The following COG6 variants were observed in gnomAD, a reference collection of about 807,000 sequenced individuals.
COG6 encodes the protein conserved oligomeric Golgi complex subunit 6.
Under a neutral mutation model 88.8 loss-of-function variants are expected in COG6, and 74 were observed. The ratio of observed to expected loss-of-function variants is 0.83; its 90% CI spans 0.69 to 1.01. The LOEUF is 1.01. Ranked by LOEUF, COG6 falls within the 50% of genes least tolerant of loss-of-function variation. The probability of loss-of-function intolerance (pLI) is 0.00; values close to 1 mark genes in which losing one functional copy is unlikely to be tolerated. For synonymous variants in COG6, 286 were observed against 278.7 expected, an observed-to-expected ratio of 1.03 and a Z score of -0.26; for missense variants, 800 against 797.9, an observed-to-expected ratio of 1.00 and a Z score of -0.03.
intron 18 of COG6, chr13:39,785,417 C>G (rs1273456371): frequency 6.6e-6 from 1 of 152,144 alleles, no homozygotes; most frequent in Non-Finnish European, 1.5e-5. Flanking sequence ...TTTAGTTTTT[C>G]TAGCCAGTCA....
intron 8 of COG6, among the ~76,000 whole-genome samples, chr13:39,684,659 T>C (rs1466016437): frequency 6.6e-6 from 1 of 152,166 alleles, no homozygotes; most frequent in Non-Finnish European, 1.5e-5. Flanking sequence ...GGCCTTTCAT[T>C]AAGTAATTAT....
At position 39,699,763 on chromosome 13, in the gene COG6, G is replaced by C. The variant is rs939677157; in HGVS notation, c.1284+145G>C. ...CTGTCACCAACAACTTTCATTTTGA[G>C]ATGGCTTACTGGACCTAAGTTGATA... On this transcript the variant is annotated intron_variant, in intron 13 of 18. Transcript: ENST00000455146. 8.0e-6 allele frequency: 5 copies of C among 626,362 alleles called. No homozygotes were observed. In the African/African-American group the frequency reaches 9.1e-5, roughly 11 times the overall value. The allele number at this position is 626,362 out of a possible 1,614,324, so 38.8% of individuals were successfully genotyped here.
chr13:39,754,874 TATCA>T (rs1445032461), downstream of COG6, among the ~76,000 whole-genome samples: 215 of 152,318 alleles, frequency 1.4e-3, no homozygotes, highest in African/African-American at 4.7e-3. Context: ...AATGAACTAA[TATCA>T]TCCTTTATAA....
intron 17 of COG6, among the ~76,000 whole-genome samples, chr13:39,726,435 C>T (rs1489028385): frequency 6.6e-6 from 1 of 151,818 alleles, no homozygotes; most frequent in Non-Finnish European, 1.5e-5. Context: ...CATACATATC[C>T]AAAATCTGGG....
intron 9 of COG6, 32 bp downstream of exon 9, chr13:39,687,663 ATGTT>A: frequency 6.2e-7 from 1 of 1,613,894 alleles, no homozygotes; most frequent in Non-Finnish European, 8.5e-7. Context: ...AGAGGAGTTG[ATGTT>A]TTTCCAAAGG....
intron 18 of COG6, among the ~76,000 whole-genome samples, chr13:39,744,243 G>A (rs1384486258): frequency 6.6e-6 from 1 of 152,188 alleles, no homozygotes; most frequent in African/African-American, 2.4e-5. Context: ...AGTGTTGGAA[G>A]TTCTGGCCAG....
intron 18 of COG6, among the ~76,000 whole-genome samples, chr13:39,762,393 G>A (rs906532056): frequency 2.0e-5 from 3 of 151,978 alleles, no homozygotes; most frequent in East Asian, 3.9e-4. Context: ...GATAGTCAGA[G>A]GTTGGTTAAT....
intron 18 of COG6, among the ~76,000 whole-genome samples, chr13:39,746,951 T>C (rs920839545): frequency 2.6e-5 from 4 of 152,142 alleles, no homozygotes; most frequent in Non-Finnish European, 5.9e-5. Flanking sequence ...ATGTAGGTAG[T>C]TTTTTTAAAA....
At chr13:39,790,845 C>G (rs1372889268) in exon 19 of COG6, 1 of 151,872 alleles carries the variant, frequency 6.6e-6, no homozygotes, top group Non-Finnish European at 1.5e-5. Flanking sequence ...ACTGGTTGTT[C>G]TTCATATATA....
At chr13:39,740,753 G>A (rs1880001232) in intron 18 of COG6, among the ~76,000 whole-genome samples, 1 of 152,080 alleles carries the variant, frequency 6.6e-6, no homozygotes, top group Admixed American at 6.6e-5. Flanking sequence ...AAATTGTCTT[G>A]ACCCATTGTG....
At chr13:39,724,483 C>CTTTTT in intron 16 of COG6, 25 bp from the exon 17 acceptor site, 1 of 1,283,418 alleles carries the variant, frequency 7.8e-7, no homozygotes, top group South Asian at 1.4e-5. Context: ...CTTGGATCTG[C>CTTTTT]TTTTTTTTTT....
chr13:39,788,521 G>GT, exon 19 of COG6: 1 of 649,900 alleles, frequency 1.5e-6, no homozygotes. Context: ...TGGAAATGCT[G>GT]TGAGGGATGA....
chr13:39,726,749 T>C (rs535772532), intron 17 of COG6, among the ~76,000 whole-genome samples: 66 of 152,048 alleles, frequency 4.3e-4, no homozygotes, highest in African/African-American at 1.6e-3. Flanking sequence ...TATGTTTTCC[T>C]TCCCACCTCA....
chr13:39,723,388 G>GGGTA lies in COG6; in HGVS notation c.1643_1646dup (p.Leu550ArgfsTer7), dbSNP rs747538177. The GGGTA allele has an allele frequency of 5.0e-6, 8 of 1,611,640 alleles. No individual in the cohort carries two copies. In the South Asian group the frequency reaches 7.7e-5, roughly 15 times the overall value. ...GAGCAAGCCTCTTATGTTTTAACTA[G>GGGTA]GGTAGGCTTGAGTTACATCTATAAC... On this transcript the variant is annotated frameshift_variant, in exon 16 of 19. Coordinates refer to ENST00000455146, the MANE Select transcript of COG6 (RefSeq NM_020751.3). LOFTEE classifies it high-confidence loss of function.
At chr13:39,761,125 A>G (rs1371896002) in intron 18 of COG6, among the ~76,000 whole-genome samples, 6 of 152,034 alleles carry the variant, frequency 3.9e-5, no homozygotes, top group Non-Finnish European at 1.5e-5. Flanking sequence ...TCTTTATAAG[A>G]TTAATCCAAA....
intron 4 of COG6, among the ~76,000 whole-genome samples, chr13:39,666,083 T>G (rs1306931857): frequency 6.6e-6 from 1 of 152,196 alleles, no homozygotes; most frequent in African/African-American, 2.4e-5. Context: ...ACTATCAAGA[T>G]TTTTACAGAA....
At chr13:39,684,475 CT>C (rs1227535107) in intron 8 of COG6, among the ~76,000 whole-genome samples, 3 of 151,836 alleles carry the variant, frequency 2.0e-5, no homozygotes, top group Middle Eastern at 6.8e-3. Context: ...TGGTCTCGAT[CT>C]CCTGACCTCG....
intron 18 of COG6, among the ~76,000 whole-genome samples, chr13:39,781,210 G>A (rs1330091978): frequency 6.6e-6 from 1 of 152,122 alleles, no homozygotes; most frequent in Non-Finnish European, 1.5e-5. Flanking sequence ...GAGAAGAGAA[G>A]GGGAGGTGAG....
chr13:39,663,033 C>A (rs1361586336), intron 3 of COG6, among the ~76,000 whole-genome samples: 1 of 151,576 alleles, frequency 6.6e-6, no homozygotes, highest in Non-Finnish European at 1.5e-5. Context: ...TGTAATCAGT[C>A]ATTTTATATA....
Sources: allele counts gnomAD v4.1 joint callset (sites outside exome capture counted in the v4.1 genomes callset), GRCh38; gene constraint gnomAD v4.1.1; transcripts MANE v1.5; gene names NCBI Gene and HGNC (gene_info 2026-07-23, HGNC 2026-07-21).